Variants in PLEKHG7 observed in about 807,000 individuals in gnomAD.
PLEKHG7 encodes pleckstrin homology domain-containing family G member 7.
In PLEKHG7, 77 loss-of-function variants were observed where a neutral mutation model predicts 85.2. That is an observed-to-expected ratio of 0.90 (90% confidence interval 0.75 to 1.09). The LOEUF (loss-of-function observed/expected upper bound fraction) is 1.09, where lower values mean the gene tolerates loss of function less well. Among genes scored for constraint, PLEKHG7 ranks in the 50% least tolerant of loss-of-function variants. The probability of loss-of-function intolerance (pLI) is 0.00; values close to 1 mark genes in which losing one functional copy is unlikely to be tolerated. For synonymous variants in PLEKHG7, 301 were observed against 302.4 expected (o/e 1.00, Z 0.05); for missense variants, 777 against 804.3 (o/e 0.97, Z 0.41).
intron 14 of PLEKHG7, among the ~76,000 whole-genome samples, chr12:92,763,649 T>C (rs1013134733): frequency 8.6e-5 from 13 of 152,002 alleles, no homozygotes; most frequent in Middle Eastern, 6.8e-3. Flanking sequence ...ATCCCATCTC[T>C]ACAAAAAAAT....
intron 10 of PLEKHG7, among the ~76,000 whole-genome samples, chr12:92,746,773 T>G (rs1424098923): frequency 6.6e-6 from 1 of 152,190 alleles, no homozygotes; most frequent in Non-Finnish European, 1.5e-5. Context: ...AAAACATACA[T>G]TGGAGAAACA....
At chr12:92,704,275 A>G (rs573500344) in intron 1 of PLEKHG7, among the ~76,000 whole-genome samples, 61 of 152,276 alleles carry the variant, frequency 4.0e-4, no homozygotes, top group Non-Finnish European at 5.6e-4. Flanking sequence ...AAGAAAAAAA[A>G]AAAGAAAGAA....
intron 2 of PLEKHG7, 73 bp downstream of exon 2, chr12:92,707,211 T>C (rs922873360): frequency 7.2e-6 from 11 of 1,520,792 alleles, no homozygotes; most frequent in Non-Finnish European, 9.6e-6. Context: ...AGTTGCTTAG[T>C]TCCCCCAAGG....
chr12:92,719,387 T>C (rs1448345691), intron 3 of PLEKHG7, among the ~76,000 whole-genome samples: 1 of 152,230 alleles, frequency 6.6e-6, no homozygotes, highest in South Asian at 2.1e-4. Context: ...TAAAATGGAA[T>C]GCCAACTTTT....
intron 3 of PLEKHG7, among the ~76,000 whole-genome samples, chr12:92,718,547 T>C (rs1290918111): frequency 1.3e-5 from 2 of 152,176 alleles, no homozygotes; most frequent in African/African-American, 4.8e-5. Context: ...AAAAAGGAAA[T>C]TGATTGGTAG....
chr12:92,735,532 A>G (rs1297899874), intron 5 of PLEKHG7, among the ~76,000 whole-genome samples: 2 of 152,224 alleles, frequency 1.3e-5, no homozygotes, highest in Non-Finnish European at 2.9e-5. Context: ...GAGGCAATAG[A>G]ACAAGTTGAA....
chr12:92,716,770 T>G (rs1396559633), intron 3 of PLEKHG7, among the ~76,000 whole-genome samples: 2 of 152,234 alleles, frequency 1.3e-5, no homozygotes, highest in African/African-American at 2.4e-5. Flanking sequence ...GTGTTTCTTT[T>G]AAATTCATCT....
chr12:92,716,205 T>C (rs1871488938), intron 3 of PLEKHG7, among the ~76,000 whole-genome samples: 1 of 152,134 alleles, frequency 6.6e-6, no homozygotes, highest in Non-Finnish European at 1.5e-5. Context: ...CAAGTGATTC[T>C]CTTGTCTCAG....
At chr12:92,762,496 TTGTTAC>T in intron 14 of PLEKHG7, among the ~76,000 whole-genome samples, 1 of 152,162 alleles carries the variant, frequency 6.6e-6, no homozygotes, top group African/African-American at 2.4e-5. Flanking sequence ...TAAGTATTAT[TTGTTAC>T]TGTTATTGTT....
At chr12:92,757,232 C>T (rs188737343) in intron 13 of PLEKHG7, among the ~76,000 whole-genome samples, 335 of 152,310 alleles carry the variant, frequency 2.2e-3, no homozygotes, top group Middle Eastern at 0.014. Flanking sequence ...AATGAACCAA[C>T]GGATGTGTAA....
At chr12:92,750,300 G>A (rs771605792) in intron 10 of PLEKHG7, among the ~76,000 whole-genome samples, 5 of 151,986 alleles carry the variant, frequency 3.3e-5, no homozygotes, top group South Asian at 2.1e-4. Context: ...CTTCCCTAAC[G>A]GACCTGAAAA....
chr12:92,706,723 A>G lies in PLEKHG7; in HGVS notation c.92A>G (p.Gln31Arg). The G allele has an allele frequency of 6.2e-7, 1 of 1,614,074 alleles. No homozygotes were observed. The highest frequency in any genetic ancestry group is 8.5e-7 in the Non-Finnish European group (1 of 1,180,004). Reference sequence around the variant, plus strand: ...TCGCTGAGGAGCCTGCCAAAGAACCAGGGGAGTCTCCTCCAGTTTGACCGG... The same window carrying G: ...TCGCTGAGGAGCCTGCCAAAGAACCGGGGGAGTCTCCTCCAGTTTGACCGG... Reference protein sequence around the residue: ...RPSLRSLPKNQGSLLQFDRQA... With the variant: ...RPSLRSLPKNRGSLLQFDRQA... The change falls in exon 2 of 17, where the codon CAG becomes CGG. Residue 31 changes from glutamine to arginine, a missense_variant. Around this residue, in one of 3 missense-constraint regions of PLEKHG7, gnomAD observed 252 missense variants for 241.9 expected, o/e 1.04. Transcript: ENST00000344636.
At chr12:92,726,683 C>T (rs1871827151) in intron 3 of PLEKHG7, among the ~76,000 whole-genome samples, 1 of 152,094 alleles carries the variant, frequency 6.6e-6, no homozygotes, top group Admixed American at 6.6e-5. Context: ...GCACTGTTCC[C>T]TACTGTGTCT....
At chr12:92,712,247 G>A (rs1871379994) in intron 3 of PLEKHG7, among the ~76,000 whole-genome samples, 1 of 152,226 alleles carries the variant, frequency 6.6e-6, no homozygotes, top group Non-Finnish European at 1.5e-5. Flanking sequence ...CTCCGAATAA[G>A]ATTATGACAC....
chr12:92,749,039 G>A (rs545615184), intron 10 of PLEKHG7, among the ~76,000 whole-genome samples: 3 of 152,262 alleles, frequency 2.0e-5, no homozygotes, highest in East Asian at 3.9e-4. Flanking sequence ...GGCAGAGGTA[G>A]GATTGAATTC....
At chr12:92,749,516 C>T (rs1243199802) in intron 10 of PLEKHG7, 5 of 152,112 alleles carry the variant, frequency 3.3e-5, no homozygotes, top group Non-Finnish European at 7.4e-5. Flanking sequence ...TCTCAAACTC[C>T]TAAGTTCAAG....
intron 1 of PLEKHG7, among the ~76,000 whole-genome samples, chr12:92,705,668 C>A (rs571128895): frequency 6.6e-6 from 1 of 152,332 alleles, no homozygotes; most frequent in East Asian, 1.9e-4. Context: ...CACACCTGGT[C>A]TGCAAATCAT....
chr12:92,707,246 A>G, intron 2 of PLEKHG7, 108 bp downstream of exon 2: 1 of 1,456,214 alleles, frequency 6.9e-7, no homozygotes, highest in Non-Finnish European at 9.0e-7. Flanking sequence ...AAAAGGAGAC[A>G]GCACAGGAAG....
intron 15 of PLEKHG7, among the ~76,000 whole-genome samples, chr12:92,768,094 G>C (rs558740246): frequency 2.6e-4 from 40 of 151,916 alleles, no homozygotes; most frequent in Non-Finnish European, 5.0e-4. Flanking sequence ...TGTAATCCCA[G>C]CTACTCAGGA....
Sources: allele counts gnomAD v4.1 joint callset (sites outside exome capture counted in the v4.1 genomes callset), GRCh38; gene constraint gnomAD v4.1.1; regional missense constraint gnomAD v4.1.1; transcripts MANE v1.5; gene names NCBI Gene and HGNC (gene_info 2026-07-23, HGNC 2026-07-21).